Variants in SKA2 observed in about 807,000 individuals in gnomAD.
SKA2 encodes spindle and kinetochore associated complex subunit 2.
In SKA2, 13 loss-of-function variants were observed where a neutral mutation model predicts 16.9. The observed-to-expected ratio is 0.77, with a 90% CI of 0.50 to 1.22. The LOEUF (loss-of-function observed/expected upper bound fraction) is 1.22. Among genes scored for constraint, SKA2 ranks in the 50% most tolerant of loss-of-function variants. The pLI, the probability that SKA2 is intolerant of heterozygous loss-of-function variation, is 0.00. For synonymous variants in SKA2, 47 were observed against 48.5 expected, an observed-to-expected ratio of 0.97 and a Z score of 0.13; for missense variants, 107 against 139.7, an observed-to-expected ratio of 0.77 and a Z score of 1.18.
chr17:59,138,458 G>A (rs533499642), intron 1 of SKA2, among the ~76,000 whole-genome samples: 6 of 152,060 alleles, frequency 3.9e-5, no homozygotes, highest in Admixed American at 1.3e-4. Flanking sequence ...TTGAGACAGC[G>A]TCTCACTCTG....
At chr17:59,154,504 T>C (rs181195207) in intron 1 of SKA2, among the ~76,000 whole-genome samples, 5 of 152,338 alleles carry the variant, frequency 3.3e-5, no homozygotes, top group Admixed American at 3.3e-4. Flanking sequence ...CCGCCCGCGC[T>C]CCGGGAGCGG....
chr17:59,122,826 T>TC lies in SKA2; in HGVS notation c.121-3332_121-3331insG, dbSNP rs2046344093. The stretch of plus-strand genomic sequence containing the variant: ...TTAGTAGAGATGAGGTTTCGCCATG[T>TC]TGGCCAGGCTGGTCTAGAACTCCTG... On this transcript the variant is annotated intron_variant, in intron 2 of 3. Transcript: ENST00000330137. 5.9e-5 allele frequency among the ~76,000 whole-genome samples: 9 copies of TC among 152,034 alleles called. 1 individual carries two copies. Among genetic ancestry groups the TC allele is most frequent in the Admixed American group, 5.2e-4 (8 of 15,272 alleles).
chr17:59,149,459 T>C (rs1206135000), intron 1 of SKA2, among the ~76,000 whole-genome samples: 1 of 151,830 alleles, frequency 6.6e-6, no homozygotes, highest in Non-Finnish European at 1.5e-5. Flanking sequence ...TAAGCTATGA[T>C]CACACCACCG....
intron 2 of SKA2, among the ~76,000 whole-genome samples, chr17:59,122,444 CT>C (rs1379900805): frequency 1.3e-5 from 2 of 151,980 alleles, no homozygotes; most frequent in African/African-American, 4.8e-5. Context: ...AACCTCATCT[CT>C]ACTAATAATA....
chr17:59,146,499 AAAAT>A (rs1279256295), intron 1 of SKA2, among the ~76,000 whole-genome samples: 1 of 152,172 alleles, frequency 6.6e-6, no homozygotes, highest in Non-Finnish European at 1.5e-5. Flanking sequence ...ACTCTGTCTC[AAAAT>A]AAATAAATAA....
chr17:59,133,827 G>T (rs1477225021), intron 1 of SKA2, among the ~76,000 whole-genome samples: 1 of 152,148 alleles, frequency 6.6e-6, no homozygotes, highest in Non-Finnish European at 1.5e-5. Flanking sequence ...AACTTGGGGG[G>T]AGGGTACAGA....
At chr17:59,133,391 G>A (rs1324753405) in intron 1 of SKA2, among the ~76,000 whole-genome samples, 1 of 152,146 alleles carries the variant, frequency 6.6e-6, no homozygotes, top group African/African-American at 2.4e-5. Context: ...TGTCCTTAGA[G>A]TTTACTACAG....
intron 1 of SKA2, among the ~76,000 whole-genome samples, chr17:59,144,266 G>T (rs1041288293): frequency 6.6e-6 from 1 of 151,856 alleles, no homozygotes; most frequent in Admixed American, 6.6e-5. Flanking sequence ...AAAGACAAGT[G>T]TTGGAGAGGA....
At chr17:59,153,102 G>C (rs917194499) in intron 1 of SKA2, among the ~76,000 whole-genome samples, 1 of 152,138 alleles carries the variant, frequency 6.6e-6, no homozygotes, top group African/African-American at 2.4e-5. Context: ...TGAGAATACT[G>C]ACTCTACTGT....
intron 2 of SKA2, among the ~76,000 whole-genome samples, chr17:59,121,517 T>C (rs1215880439): frequency 1.4e-5 from 2 of 144,244 alleles, no homozygotes; most frequent in Non-Finnish European, 3.0e-5. Context: ...TAGCCGGGCA[T>C]TGTGGTGGGC....
At chr17:59,130,642 T>TA (rs2046406217) in intron 2 of SKA2, among the ~76,000 whole-genome samples, 1 of 151,238 alleles carries the variant, frequency 6.6e-6, no homozygotes. Context: ...AAAAAAAAGA[T>TA]AAATATTAAT....
intron 1 of SKA2, among the ~76,000 whole-genome samples, chr17:59,132,545 T>C (rs1364553391): frequency 1.3e-5 from 2 of 152,260 alleles, no homozygotes; most frequent in African/African-American, 4.8e-5. Context: ...GTGCCTGTGG[T>C]CCCAGCTATT....
rs952606846 is a variant in SKA2, at chr17:59,138,761, T to C, written c.34-7394A>G. Among the ~76,000 whole-genome samples the C allele has an allele frequency of 3.3e-5, 5 of 152,076 alleles. No homozygotes were observed. The South Asian group carries it at 6.2e-4, about 19-fold the overall frequency. On this transcript the variant is annotated intron_variant, in intron 1 of 3. Coordinates refer to ENST00000330137, the MANE Select transcript of SKA2 (RefSeq NM_182620.4). ...CTAGTCTAGTTTTCAATATGACCAG[T>C]TTAAGGCTTTAAGTAAGTGGCACAA...
intron 1 of SKA2, among the ~76,000 whole-genome samples, chr17:59,133,821 T>G (rs1425393275): frequency 6.6e-6 from 1 of 152,088 alleles, no homozygotes; most frequent in Non-Finnish European, 1.5e-5. Flanking sequence ...AGCCAAAACT[T>G]GGGGGGAGGG....
At position 59,119,439 on chromosome 17, in the gene SKA2, A is replaced by C; in HGVS notation, c.177T>G (p.Thr59=). 1 of 1,614,018 alleles carries C rather than the reference A, an allele frequency of 6.2e-7. No individual in the cohort carries two copies. The highest frequency in any genetic ancestry group is 8.5e-7 in the Non-Finnish European group (1 of 1,179,886). ...ELSVIKSRYQ[T]LYARFKPVAV... Reference sequence around the variant, plus strand: ...CAACTGGTTTAAAGCGGGCATACAAAGTTTGATATCGAGACTTTATCACTG... The same window carrying C: ...CAACTGGTTTAAAGCGGGCATACAACGTTTGATATCGAGACTTTATCACTG... The change falls in exon 3 of 4, where the codon ACT becomes ACG. Residue 59 remains threonine, a synonymous_variant. Transcript: ENST00000330137.
intron 1 of SKA2, among the ~76,000 whole-genome samples, chr17:59,150,217 T>G (rs1453432652): frequency 6.6e-6 from 1 of 152,188 alleles, no homozygotes; most frequent in Non-Finnish European, 1.5e-5. Flanking sequence ...TGATTGCCTC[T>G]GTGAATAGTC....
chr17:59,112,330 TA>T lies in SKA2; in HGVS notation c.312del (p.Glu106LysfsTer26). 6.2e-7 allele frequency: 1 copy of T among 1,610,560 alleles called. No homozygotes were observed. On this transcript the variant is annotated frameshift_variant, in exon 4 of 4. Coordinates refer to ENST00000330137, the MANE Select transcript of SKA2 (RefSeq NM_182620.4). LOFTEE classifies it high-confidence loss of function. ...KQTDLELSPL[T>X]KEEKTAAEQF... Reference sequence around the variant, plus strand: ...TGCTCTGCCGCAGTTTTCTCTTCTTTAGTCAGTGGTGACAGCTAGAAAATAA... The same window carrying T: ...TGCTCTGCCGCAGTTTTCTCTTCTTTGTCAGTGGTGACAGCTAGAAAATAA...
intron 1 of SKA2, among the ~76,000 whole-genome samples, chr17:59,148,070 C>G (rs377042660): frequency 6.6e-6 from 1 of 151,844 alleles, no homozygotes; most frequent in African/African-American, 2.4e-5. Context: ...TCTTGAACTC[C>G]CTCAGGTAAT....
intron 1 of SKA2, among the ~76,000 whole-genome samples, chr17:59,135,287 T>C (rs1254625121): frequency 6.6e-6 from 1 of 151,478 alleles, no homozygotes; most frequent in Non-Finnish European, 1.5e-5. Context: ...TAATCAATGG[T>C]ATGATGAAAT....
Sources: allele counts gnomAD v4.1 joint callset (sites outside exome capture counted in the v4.1 genomes callset), GRCh38; gene constraint gnomAD v4.1.1; transcripts MANE v1.5; gene names NCBI Gene and HGNC (gene_info 2026-07-23, HGNC 2026-07-21).